The following ALK variants were observed in gnomAD, a reference collection of about 807,000 sequenced individuals.
ALK encodes the protein ALK tyrosine kinase receptor.
ALK carries 74 observed loss-of-function variants against 163.1 expected under a neutral mutation model. That is an observed-to-expected ratio of 0.45 (90% CI 0.38 to 0.55). The LOEUF (loss-of-function observed/expected upper bound fraction) is 0.55, where lower values mean the gene tolerates loss of function less well. Among genes scored for constraint, ALK ranks in the 20% least tolerant of loss-of-function variants. ALK has a pLI of 0.00. For missense variants in ALK, 2,063 were observed against 2,105.3 expected (o/e 0.98, Z 0.39); for synonymous variants, 960 against 843.2 (o/e 1.14, Z -2.40).
intron 1 of ALK, among the ~76,000 whole-genome samples, chr2:29,784,777 T>C (rs1663961531): frequency 6.6e-6 from 1 of 152,168 alleles, no homozygotes; most frequent in South Asian, 2.1e-4. Context: ...TTTGAAGCTA[T>C]GATTGAACCC....
At chr2:29,871,113 A>C (rs2148412357) in intron 1 of ALK, among the ~76,000 whole-genome samples, 1 of 152,214 alleles carries the variant, frequency 6.6e-6, no homozygotes, top group South Asian at 2.1e-4. Context: ...TTGGTATAAA[A>C]CCCATTGGCT....
intron 4 of ALK, among the ~76,000 whole-genome samples, chr2:29,445,393 T>C (rs1670647101): frequency 6.6e-6 from 1 of 152,146 alleles, no homozygotes; most frequent in African/African-American, 2.4e-5. Flanking sequence ...TCTCAAACTA[T>C]AAAAAGACAA....
At chr2:29,797,048 G>A (rs560912326) in intron 1 of ALK, among the ~76,000 whole-genome samples, 11 of 149,186 alleles carry the variant, frequency 7.4e-5, no homozygotes, top group Admixed American at 2.0e-4. Context: ...ATATATATAT[G>A]GAGAAACAAT....
intron 4 of ALK, among the ~76,000 whole-genome samples, chr2:29,531,104 T>A (rs1233015094): frequency 6.6e-6 from 1 of 152,138 alleles, no homozygotes; most frequent in African/African-American, 2.4e-5. Context: ...TCTGAAAAGG[T>A]ATTCTCTTAG....
chr2:29,402,708 TAGG>T (rs1669477575), intron 4 of ALK, among the ~76,000 whole-genome samples: 1 of 152,210 alleles, frequency 6.6e-6, no homozygotes, highest in Non-Finnish European at 1.5e-5. Flanking sequence ...TACAGAAGTC[TAGG>T]ACAATGGTGG....
chr2:29,610,918 T>C (rs919396459), intron 3 of ALK, among the ~76,000 whole-genome samples: 8 of 152,182 alleles, frequency 5.3e-5, no homozygotes, highest in African/African-American at 1.9e-4. Context: ...GTACTTCCTC[T>C]AGGACCCCAC....
At chr2:29,272,413 C>T (rs895817916) in intron 11 of ALK, among the ~76,000 whole-genome samples, 12 of 152,186 alleles carry the variant, frequency 7.9e-5, no homozygotes, top group Admixed American at 2.0e-4. Flanking sequence ...TTTTCCCAGC[C>T]TGGAAACTTG....
intron 23 of ALK, among the ~76,000 whole-genome samples, chr2:29,215,988 G>A (rs1332756543): frequency 2.0e-5 from 3 of 152,150 alleles, no homozygotes; most frequent in Admixed American, 6.5e-5. Flanking sequence ...TTTCCACATG[G>A]GAGACCAGGG....
At chr2:29,457,494 A>G (rs1670984614) in intron 4 of ALK, among the ~76,000 whole-genome samples, 1 of 152,218 alleles carries the variant, frequency 6.6e-6, no homozygotes, top group East Asian at 1.9e-4. Flanking sequence ...ACAGGTTTCC[A>G]TCTGCAGGTC....
At chr2:29,675,605 A>T (rs529438380) in intron 3 of ALK, among the ~76,000 whole-genome samples, 4 of 151,486 alleles carry the variant, frequency 2.6e-5, no homozygotes, top group Non-Finnish European at 5.9e-5. Flanking sequence ...TCACCTGTGA[A>T]TTTTTTTTTC....
chr2:29,273,897 T>C (rs1665459590), intron 11 of ALK, among the ~76,000 whole-genome samples: 1 of 152,172 alleles, frequency 6.6e-6, no homozygotes, highest in Non-Finnish European at 1.5e-5. Flanking sequence ...AGGCTGCCTC[T>C]ATCAGGTGAG....
intron 5 of ALK, among the ~76,000 whole-genome samples, chr2:29,363,327 G>A (rs1004755251): frequency 3.3e-5 from 5 of 152,190 alleles, no homozygotes; most frequent in Non-Finnish European, 7.3e-5. Context: ...TGACAGCTGG[G>A]CTGTTTCTTG....
At chr2:29,449,632 A>G (rs1003430659) in intron 4 of ALK, among the ~76,000 whole-genome samples, 5 of 152,190 alleles carry the variant, frequency 3.3e-5, no homozygotes, top group Admixed American at 6.5e-5. Context: ...AGGGCCCCCA[A>G]GGGTCTGTCT....
In ALK at chr2:29,229,023, G is replaced by A. The variant is rs138668699; in HGVS notation, c.2676C>T (p.Ala892=). ...TGGCACCCTCCTGCAAAGATTTTCC[G>A]GCCCAGAGCAAGGAAGTGTTATCAT... ...GWNDNTSLLW[A]GKSLQEGATG... The change falls in exon 16 of 29, where the codon GCC becomes GCT. Residue 892 remains alanine, a synonymous_variant. Transcript: ENST00000389048. 1.2e-3 allele frequency: 1,866 copies of A among 1,601,550 alleles called. 9 individuals carry two copies. Among genetic ancestry groups the A allele is most frequent in the East Asian group, 5.6e-3 (250 of 44,360 alleles).
chr2:29,759,312 A>G (rs910379071), intron 1 of ALK, among the ~76,000 whole-genome samples: 3 of 152,212 alleles, frequency 2.0e-5, no homozygotes, highest in East Asian at 1.9e-4. Flanking sequence ...GCTTGTATAC[A>G]GGAAATGGCA....
intron 2 of ALK, 115 bp from the exon 3 acceptor site, chr2:29,695,129 C>T: frequency 8.4e-7 from 1 of 1,189,264 alleles, no homozygotes; most frequent in Non-Finnish European, 1.2e-6. Context: ...TTTGCCCTGT[C>T]CAAGGGAGAT....
At chr2:29,232,278 G>A (rs1475107581) in intron 15 of ALK, 26 bp downstream of exon 15, 1 of 1,613,964 alleles carries the variant, frequency 6.2e-7, no homozygotes, top group Non-Finnish European at 8.5e-7. Context: ...GAGGTTCTGG[G>A]AGAGGGCACG....
intron 3 of ALK, among the ~76,000 whole-genome samples, chr2:29,577,060 A>T (rs1674544631): frequency 6.6e-6 from 1 of 152,124 alleles, no homozygotes; most frequent in South Asian, 2.1e-4. Flanking sequence ...ATCATCTTCC[A>T]CGAAACCAGT....
At chr2:29,543,459 A>T (rs1054636480) in intron 3 of ALK, among the ~76,000 whole-genome samples, 8 of 152,198 alleles carry the variant, frequency 5.3e-5, no homozygotes, top group African/African-American at 1.9e-4. Flanking sequence ...GCCAGCCCAA[A>T]GGGCACGTCA....
Sources: gnomAD v4.1 joint callset for allele counts (sites outside exome capture counted in the v4.1 genomes callset) on GRCh38, gnomAD v4.1.1 for gene constraint, MANE v1.5 for transcripts, NCBI Gene and HGNC (gene_info 2026-07-23, HGNC 2026-07-21) for gene names.